Variants in DLG2 observed in about 807,000 individuals in gnomAD.
The protein encoded by DLG2 is discs large MAGUK scaffold protein 2.
Under a neutral mutation model 132.5 loss-of-function variants are expected in DLG2, and 45 were observed. That is an observed-to-expected ratio of 0.34 (90% CI 0.27 to 0.44). The LOEUF (loss-of-function observed/expected upper bound fraction) is 0.44. Ranked by LOEUF, DLG2 falls within the 20% of genes least tolerant of loss-of-function variation. The pLI is 1.00. For synonymous variants in DLG2, 424 were observed against 419.6 expected, an observed-to-expected ratio of 1.01 and a Z score of -0.13; for missense variants, 1,045 against 1,196.9, an observed-to-expected ratio of 0.87 and a Z score of 1.87.
intron 9 of DLG2, among the ~76,000 whole-genome samples, chr11:84,130,349 AC>A (rs1566631875): frequency 6.6e-6 from 1 of 151,980 alleles, no homozygotes; most frequent in Non-Finnish European, 1.5e-5. Flanking sequence ...TCACACCTTC[AC>A]CAACACCTAC....
chr11:83,870,903 A>T (rs1486110620), intron 16 of DLG2, among the ~76,000 whole-genome samples: 1 of 152,282 alleles, frequency 6.6e-6, no homozygotes, highest in East Asian at 1.9e-4. Flanking sequence ...AACTCGGGAG[A>T]CATAATCCGA....
At chr11:84,139,116 T>G (rs1167086295) in intron 9 of DLG2, among the ~76,000 whole-genome samples, 1 of 152,190 alleles carries the variant, frequency 6.6e-6, no homozygotes, top group African/African-American at 2.4e-5. Flanking sequence ...AGTTGACATT[T>G]TATGATAGCT....
At chr11:85,297,802 G>C (rs1376920809) in intron 3 of DLG2, among the ~76,000 whole-genome samples, 1 of 152,142 alleles carries the variant, frequency 6.6e-6, no homozygotes, top group Non-Finnish European at 1.5e-5. Context: ...GGGTATTCAA[G>C]TATGGAGGCA....
chr11:84,163,497 T>A lies in DLG2; in HGVS notation c.588A>T (p.Glu196Asp). The A allele has an allele frequency of 6.2e-7, 1 of 1,606,986 alleles. No individual in the cohort carries two copies. The highest frequency in any genetic ancestry group is 8.5e-7 in the Non-Finnish European group (1 of 1,177,464). Residue 196 changes from glutamate (E) to aspartate (D), a missense_variant, in exon 9 of 28, where the codon GAA becomes GAT. Physicochemically the swap from Glu to Asp is conservative, Grantham distance 45. Transcript: ENST00000376104. ...TAATTTCTTCAAATTCATATTCAAT[T>A]TCTGTCCCATTGACCTGTAAATAGG... The part of the protein sequence containing the change: ...LDTIPYVNGT[E>D]IEYEFEEITL...
At chr11:84,738,369 G>C (rs2064143104) in intron 6 of DLG2, among the ~76,000 whole-genome samples, 1 of 151,914 alleles carries the variant, frequency 6.6e-6, no homozygotes, top group Non-Finnish European at 1.5e-5. Context: ...TGGTGCCAGA[G>C]AGGCAGCAAG....
intron 6 of DLG2, among the ~76,000 whole-genome samples, chr11:85,049,299 G>A (rs1346740625): frequency 6.6e-6 from 1 of 151,936 alleles, no homozygotes; most frequent in African/African-American, 2.4e-5. Context: ...TAGATTTTAG[G>A]AGTATTTAAA....
intron 7 of DLG2, among the ~76,000 whole-genome samples, chr11:84,365,496 T>C (rs1405800214): frequency 2.0e-5 from 3 of 152,162 alleles, no homozygotes; most frequent in Non-Finnish European, 2.9e-5. Context: ...AAGGGTTTTT[T>C]ATGTCTCTAT....
intron 3 of DLG2, among the ~76,000 whole-genome samples, chr11:85,538,221 A>G (rs780718320): frequency 6.6e-6 from 1 of 151,990 alleles, no homozygotes; most frequent in Non-Finnish European, 1.5e-5. Context: ...CACCAATTCT[A>G]GACACACTAT....
intron 2 of DLG2, among the ~76,000 whole-genome samples, chr11:85,624,524 C>T (rs2153278571): frequency 6.6e-6 from 1 of 152,270 alleles, no homozygotes; most frequent in Non-Finnish European, 1.5e-5. Context: ...CTCAAGGTGA[C>T]AGAGGACAGT....
At chr11:83,765,952 G>GACAGCAT (rs2094124439) in intron 18 of DLG2, among the ~76,000 whole-genome samples, 2 of 152,184 alleles carry the variant, frequency 1.3e-5, no homozygotes, top group South Asian at 4.1e-4. Context: ...GAGCACACTT[G>GACAGCAT]ACAGCATACA....
chr11:83,888,901 A>G (rs1339112199), intron 15 of DLG2, among the ~76,000 whole-genome samples: 2 of 152,244 alleles, frequency 1.3e-5, no homozygotes, highest in Admixed American at 6.5e-5. Flanking sequence ...CTGGCTAGCC[A>G]TATGTAGAAA....
At chr11:85,253,013 A>G (rs1175072904) in intron 4 of DLG2, among the ~76,000 whole-genome samples, 1 of 152,216 alleles carries the variant, frequency 6.6e-6, no homozygotes, top group African/African-American at 2.4e-5. Flanking sequence ...TCCCTGAAAA[A>G]TAGTCTACAA....
rs138199217 is a variant in DLG2, at chr11:83,691,328, T to C, written c.1826-58003A>G. Reference sequence around the variant, plus strand: ...TCCCCACTGCCTCCACTGTCTTCTCTGTACTCTCCTATCTAGCTTTTAATA... The same window carrying C: ...TCCCCACTGCCTCCACTGTCTTCTCCGTACTCTCCTATCTAGCTTTTAATA... On this transcript the variant is annotated intron_variant, in intron 18 of 27. Transcript: ENST00000376104. 2.3e-3 allele frequency among the ~76,000 whole-genome samples: 344 copies of C among 152,314 alleles called. 1 individual carries two copies. Among genetic ancestry groups the C allele is most frequent in the African/African-American group, 8.0e-3 (334 of 41,576 alleles).
intron 3 of DLG2, among the ~76,000 whole-genome samples, chr11:85,460,032 C>A (rs1031525821): frequency 6.6e-6 from 1 of 152,176 alleles, no homozygotes; most frequent in Admixed American, 6.5e-5. Flanking sequence ...GGTAACCAGC[C>A]TCTCTTTCTG....
At chr11:83,954,275 ACT>A (rs2086241933) in intron 14 of DLG2, among the ~76,000 whole-genome samples, 1 of 151,800 alleles carries the variant, frequency 6.6e-6, no homozygotes, top group South Asian at 2.1e-4. Flanking sequence ...TAGCATACCC[ACT>A]CTCTCTGCTT....
intron 8 of DLG2, among the ~76,000 whole-genome samples, chr11:84,174,964 C>A (rs2154274218): frequency 6.6e-6 from 1 of 152,206 alleles, no homozygotes; most frequent in South Asian, 2.1e-4. Context: ...ATCAAAGAAG[C>A]TAGTTTCTAA....
rs1486047982 is a variant in DLG2, at chr11:85,375,471, G to C, written c.41-90106C>G. ...AGGCAGGAGGATCACTTGAGGCCAG[G>C]AGTTTGAGACCAGCCTGGGCAACAT... On this transcript the variant is annotated intron_variant, in intron 3 of 27. Transcript: ENST00000376104. Among the ~76,000 whole-genome samples, 6 of 152,276 alleles carry C rather than the reference G, an allele frequency of 3.9e-5. No individual in the cohort carries two copies. The East Asian group carries it at 9.7e-4, about 25-fold the overall frequency.
rs1005273499 is a variant in DLG2, at chr11:85,598,540, T to C, written c.40+117A>G. 8.4e-6 allele frequency: 5 copies of C among 592,930 alleles called. No individual in the cohort carries two copies. In the South Asian group the frequency reaches 1.8e-4, roughly 21 times the overall value. 36.7% of individuals were successfully genotyped at this position (592,930 alleles called of 1,614,324 possible). On this transcript the variant is annotated intron_variant, in intron 3 of 27. Transcript: ENST00000376104. ...CAAAACAAATCTTCCCTTCCAGTAT[T>C]AAAGAAAATTATCCCAGTTTGAAAC... is the stretch of plus-strand genomic sequence containing the variant.
At chr11:85,465,394 T>C (rs1204395205) in intron 3 of DLG2, among the ~76,000 whole-genome samples, 2 of 152,022 alleles carry the variant, frequency 1.3e-5, no homozygotes, top group Non-Finnish European at 1.5e-5. Flanking sequence ...CATGCTGGTG[T>C]GCTGCACCCA....
Sources: allele counts gnomAD v4.1 joint callset (sites outside exome capture counted in the v4.1 genomes callset), GRCh38; gene constraint gnomAD v4.1.1; transcripts MANE v1.5; gene names NCBI Gene and HGNC (gene_info 2026-07-23, HGNC 2026-07-21).